Variants in LEF1 observed in about 807,000 individuals in gnomAD.
LEF1 encodes the protein lymphoid enhancer-binding factor 1.
A neutral mutation model predicts 51.2 loss-of-function variants in LEF1; 14 were observed. That is an observed-to-expected ratio of 0.27 (90% CI 0.18 to 0.43). The LOEUF (loss-of-function observed/expected upper bound fraction) is 0.43, where lower values mean the gene tolerates loss of function less well. Among genes scored for constraint, LEF1 ranks in the 20% least tolerant of loss-of-function variants. The pLI is 1.00. For missense variants in LEF1, 386 were observed against 512.0 expected (o/e 0.75, Z 2.37); for synonymous variants, 185 against 183.2 (o/e 1.01, Z -0.08).
At chr4:108,135,994 A>G (rs1345652711) in intron 3 of LEF1, among the ~76,000 whole-genome samples, 2 of 152,206 alleles carry the variant, frequency 1.3e-5, no homozygotes, top group Non-Finnish European at 2.9e-5. Flanking sequence ...TACTACACAA[A>G]CAGGTTGAAT....
Position 108,072,565 on chromosome 4 carries a change from T to C in LEF1, c.1009-1795A>G, listed in dbSNP as rs1333336487. Among the ~76,000 whole-genome samples the C allele has an allele frequency of 2.6e-5, 4 of 152,144 alleles. No homozygotes were observed. In the East Asian group the frequency reaches 7.7e-4, roughly 29 times the overall value. On this transcript the variant is annotated intron_variant, in intron 8 of 11. Coordinates refer to ENST00000265165, the MANE Select transcript of LEF1 (RefSeq NM_016269.5). ...GTGCAGAGCGTGAGGTTAAAAAGCA[T>C]GACACACAGCAGGGCTTGCCCTGAG...
At chr4:108,158,951 AT>A (rs1202243075) in intron 3 of LEF1, among the ~76,000 whole-genome samples, 7 of 152,110 alleles carry the variant, frequency 4.6e-5, no homozygotes, top group African/African-American at 1.7e-4. Context: ...ATTTTTGCGG[AT>A]TGGCTCAATG....
At chr4:108,105,107 A>AAACATTTTCC (rs1341422643) in intron 3 of LEF1, among the ~76,000 whole-genome samples, 61 of 152,130 alleles carry the variant, frequency 4.0e-4, no homozygotes, top group Non-Finnish European at 6.2e-4. Flanking sequence ...TCAGAGCTTA[A>AAACATTTTCC]TACTATGGGT....
intron 3 of LEF1, 78 bp from the exon 4 acceptor site, chr4:108,089,335 C>T: frequency 4.1e-6 from 6 of 1,474,058 alleles, no homozygotes; most frequent in Non-Finnish European, 5.6e-6. Flanking sequence ...AAAATTCACA[C>T]AGCAGCAGTA....
At chr4:108,098,212 CCTCT>C (rs1169416557) in intron 3 of LEF1, among the ~76,000 whole-genome samples, 2 of 152,260 alleles carry the variant, frequency 1.3e-5, no homozygotes, top group Admixed American at 1.3e-4. Context: ...CACAGCCACA[CCTCT>C]CTATTATGCA....
chr4:108,143,581 AAAAC>A (rs1164830571), intron 3 of LEF1, among the ~76,000 whole-genome samples: 15 of 152,208 alleles, frequency 9.9e-5, no homozygotes, highest in African/African-American at 3.6e-4. Context: ...AGTAACAAGC[AAAAC>A]AGTCACTGGA....
At chr4:108,050,039 G>A (rs542444201) in intron 11 of LEF1, among the ~76,000 whole-genome samples, 5 of 152,152 alleles carry the variant, frequency 3.3e-5, no homozygotes, top group Non-Finnish European at 2.9e-5. Flanking sequence ...TGCCCAATGC[G>A]GCCCCTAAAG....
chr4:108,131,614 C>A (rs988260966), intron 3 of LEF1, among the ~76,000 whole-genome samples: 4 of 152,086 alleles, frequency 2.6e-5, no homozygotes, highest in Non-Finnish European at 5.9e-5. Flanking sequence ...GAATACCCAC[C>A]AAATGCCTGT....
chr4:108,102,992 A>G (rs1184798084), intron 3 of LEF1, among the ~76,000 whole-genome samples: 1 of 152,234 alleles, frequency 6.6e-6, no homozygotes, highest in Admixed American at 6.5e-5. Flanking sequence ...AAGCTCAGCA[A>G]AGTCCAAAAG....
intron 7 of LEF1, 33 bp downstream of exon 7, chr4:108,079,459 G>T: frequency 1.2e-6 from 2 of 1,612,276 alleles, no homozygotes; most frequent in South Asian, 1.1e-5. Context: ...AGTATCCTAA[G>T]GCAATCACAG....
chr4:108,130,237 C>A (rs1742788376), intron 3 of LEF1, among the ~76,000 whole-genome samples: 1 of 152,098 alleles, frequency 6.6e-6, no homozygotes, highest in Non-Finnish European at 1.5e-5. Flanking sequence ...TGACCAGAAC[C>A]AGTTATTTAA....
At chr4:108,141,164 C>T (rs910314263) in intron 3 of LEF1, among the ~76,000 whole-genome samples, 2 of 152,158 alleles carry the variant, frequency 1.3e-5, no homozygotes, top group African/African-American at 4.8e-5. Context: ...TCAGTATAAT[C>T]CTCAAATTAT....
chr4:108,100,584 T>C (rs1740754573), intron 3 of LEF1, among the ~76,000 whole-genome samples: 1 of 152,214 alleles, frequency 6.6e-6, no homozygotes, highest in South Asian at 2.1e-4. Flanking sequence ...GCCTAACCTA[T>C]GTATCTTTCC....
intron 3 of LEF1, among the ~76,000 whole-genome samples, chr4:108,145,746 G>A (rs551736100): frequency 2.1e-4 from 32 of 152,298 alleles, no homozygotes; most frequent in African/African-American, 7.5e-4. Flanking sequence ...CACCCTATAT[G>A]TGCCTATGAT....
chr4:108,091,005 T>G (rs1739984131), intron 3 of LEF1, among the ~76,000 whole-genome samples: 1 of 152,132 alleles, frequency 6.6e-6, no homozygotes, highest in Non-Finnish European at 1.5e-5. Flanking sequence ...AACATGAATT[T>G]AAGAGAAAAT....
chr4:108,098,508 G>A (rs1425282448), intron 3 of LEF1, among the ~76,000 whole-genome samples: 2 of 152,016 alleles, frequency 1.3e-5, no homozygotes, highest in South Asian at 2.1e-4. Context: ...TTCAAAGGGG[G>A]GGCTTTCACA....
At chr4:108,054,767 AC>A (rs1737213290) in intron 11 of LEF1, among the ~76,000 whole-genome samples, 1 of 152,226 alleles carries the variant, frequency 6.6e-6, no homozygotes, top group African/African-American at 2.4e-5. Flanking sequence ...TAATCCCAAT[AC>A]AAAAAAAAAG....
chr4:108,156,322 T>C (rs185198230), intron 3 of LEF1, among the ~76,000 whole-genome samples: 8 of 152,320 alleles, frequency 5.3e-5, no homozygotes, highest in African/African-American at 1.7e-4. Context: ...CTATATTCTA[T>C]AAGGAGTAGT....
intron 11 of LEF1, among the ~76,000 whole-genome samples, chr4:108,051,481 C>T (rs1209595353): frequency 6.6e-6 from 1 of 152,230 alleles, no homozygotes; most frequent in Non-Finnish European, 1.5e-5. Flanking sequence ...AGCTTTCCCA[C>T]ATCTAAGGCT....
Sources: allele counts gnomAD v4.1 joint callset (sites outside exome capture counted in the v4.1 genomes callset), GRCh38; gene constraint gnomAD v4.1.1; transcripts MANE v1.5; gene names NCBI Gene and HGNC (gene_info 2026-07-23, HGNC 2026-07-21).